POLR2B: variants seen among roughly 807,000 people sequenced by gnomAD.
POLR2B encodes DNA-directed RNA polymerase II subunit RPB2.
POLR2B carries 57 observed loss-of-function variants against 144.6 expected under a neutral mutation model. That is an observed-to-expected ratio of 0.39 (90% CI 0.32 to 0.49). POLR2B has a LOEUF of 0.49. Ranked by LOEUF, POLR2B falls within the 20% of genes least tolerant of loss-of-function variation. The pLI is 0.83. For missense variants in POLR2B, 595 were observed against 1,467.4 expected, an observed-to-expected ratio of 0.41 and a Z score of 9.71; for synonymous variants, 442 against 469.8, an observed-to-expected ratio of 0.94 and a Z score of 0.77.
intron 7 of POLR2B, among the ~76,000 whole-genome samples, chr4:57,001,416 C>T (rs76627370): frequency 0.025 from 3,861 of 152,320 alleles, 165 homozygotes; most frequent in African/African-American, 0.088. Flanking sequence ...CCTGCGTAGG[C>T]CTCCCAAGTG....
rs1560482494 is a variant in POLR2B at position 57,017,524 on chromosome 4, C to A, written c.2155-36C>A. The A allele has an allele frequency of 2.0e-6, 3 of 1,524,240 alleles. No homozygotes were observed. The highest frequency in any genetic ancestry group is 2.7e-6 in the Non-Finnish European group (3 of 1,130,226). The allele number at this position is 1,524,240 out of a possible 1,614,324, so 94.4% of individuals were successfully genotyped here. A position where few individuals can be genotyped will look rare whatever the true frequency, so the allele number is the denominator to read the frequency against. ...GAGTCTTTTCCATTAGTGATAGTAA[C>A]TTTTTGTTGTTTCTGCTTTTCATTT... On this transcript the variant is annotated intron_variant, in intron 15 of 24. Coordinates refer to ENST00000314595, the MANE Select transcript of POLR2B (RefSeq NM_000938.3). The surrounding 1 kb of genome is among the most constrained non-coding windows in gnomAD (Gnocchi z 4.8).
intron 10 of POLR2B, chr4:57,009,410 G>A (rs933077797): frequency 6.6e-6 from 1 of 152,420 alleles, no homozygotes; most frequent in Non-Finnish European, 1.5e-5. Flanking sequence ...TCATTGAGGA[G>A]GACTTTAATG....
chr4:57,018,502 G>C (rs1723436680), intron 16 of POLR2B, among the ~76,000 whole-genome samples: 1 of 152,068 alleles, frequency 6.6e-6, no homozygotes, highest in Non-Finnish European at 1.5e-5. Flanking sequence ...AAAGAGAGGT[G>C]CTTTGAATAG....
chr4:57,010,698 T>C, intron 11 of POLR2B, 50 bp from the exon 12 acceptor site: 1 of 1,499,202 alleles, frequency 6.7e-7, no homozygotes, highest in Non-Finnish European at 9.0e-7. Context: ...GGAAAAGAAG[T>C]TTGATAGGCA....
chr4:56,999,798 A>G lies in POLR2B; in HGVS notation c.900+17A>G. On this transcript the variant is annotated intron_variant, in intron 7 of 24. Coordinates refer to ENST00000314595, the MANE Select transcript of POLR2B (RefSeq NM_000938.3). The stretch of plus-strand genomic sequence containing the variant: ...ATGGAAATGGTAATGTGAAAGCAAA[A>G]TGTATTCACAGAGCTTTATAAGAGA... 1.3e-6 allele frequency: 2 copies of G among 1,533,162 alleles called. No individual in the cohort carries two copies. The highest frequency in any genetic ancestry group is 4.5e-5 in the East Asian group (2 of 44,456). The allele number at this position is 1,533,162 out of a possible 1,614,324, so 95.0% of individuals were successfully genotyped here.
intron 3 of POLR2B, among the ~76,000 whole-genome samples, chr4:56,993,410 G>C (rs1039984041): frequency 1.3e-5 from 2 of 152,216 alleles, no homozygotes; most frequent in Non-Finnish European, 2.9e-5. Context: ...TGATGGCACA[G>C]ATAAGGAGTA....
Position 57,005,722 on chromosome 4 carries a change from A to G in POLR2B, c.1217+3A>G, listed in dbSNP as rs375305377. 5.6e-6 allele frequency: 9 copies of G among 1,609,104 alleles called. No individual in the cohort carries two copies. Among genetic ancestry groups the G allele is most frequent in the African/African-American group, 1.3e-5 (1 of 74,588 alleles). Reference sequence around the variant, plus strand: ...CTGCTTGCATTCTTATTTAGAGGGTAAGGAATTACAGAATGAAGTCATTAA... The same window carrying G: ...CTGCTTGCATTCTTATTTAGAGGGTGAGGAATTACAGAATGAAGTCATTAA... On this transcript the variant is annotated splice_donor_region_variant and intron_variant, in intron 9 of 24. Transcript: ENST00000314595.
intron 2 of POLR2B, among the ~76,000 whole-genome samples, chr4:56,987,092 C>T (rs1002614794): frequency 1.3e-4 from 19 of 151,976 alleles, no homozygotes; most frequent in Admixed American, 1.0e-3. Flanking sequence ...GATGCCTTTC[C>T]GTTTAGGTTT....
rs188542516 is a variant in POLR2B at position 57,002,980 on chromosome 4, C to T, written c.901-2266C>T. The stretch of plus-strand genomic sequence containing the variant: ...ACCCTTCATTTCTCATGCTCATTAT[C>T]GTGTATAGTTGGAAATTTAGAATAT... On this transcript the variant is annotated intron_variant, in intron 7 of 24. Coordinates refer to ENST00000314595, the MANE Select transcript of POLR2B (RefSeq NM_000938.3). Among the ~76,000 whole-genome samples, 311 of 152,226 alleles carry T rather than the reference C, an allele frequency of 2.0e-3. 3 individuals carry two copies. Among genetic ancestry groups the T allele is most frequent in the African/African-American group, 7.0e-3 (290 of 41,540 alleles).
Position 57,017,942 on chromosome 4 carries a change from CAATT to C in POLR2B, c.2323+219_2323+222del, listed in dbSNP as rs1723422076. On this transcript the variant is annotated intron_variant, in intron 16 of 24. Coordinates refer to ENST00000314595, the MANE Select transcript of POLR2B (RefSeq NM_000938.3). The surrounding 1 kb of genome is among the most constrained non-coding windows in gnomAD (Gnocchi z 4.8). The stretch of plus-strand genomic sequence containing the variant: ...CTTTGGAAGCACAGACTGATGGAAG[CAATT>C]AATTCCTGTTGGAAGTCTAGATCCA... Among the ~76,000 whole-genome samples the C allele has an allele frequency of 6.6e-6, 1 of 152,092 alleles. No homozygotes were observed. The highest frequency in any genetic ancestry group is 2.4e-5 in the African/African-American group (1 of 41,410).
chr4:57,020,896 C>T lies in POLR2B; in HGVS notation c.2324-3C>T. On this transcript the variant is annotated splice_polypyrimidine_tract_variant and splice_region_variant and intron_variant, in intron 16 of 24. Coordinates refer to ENST00000314595, the MANE Select transcript of POLR2B (RefSeq NM_000938.3). ...TTAATGTATGCTCTTAAATTCACTG[C>T]AGGCATCAACTCAATTGTGGCCATT... The T allele has an allele frequency of 6.6e-7, 1 of 1,506,648 alleles. No homozygotes were observed. The highest frequency in any genetic ancestry group is 1.7e-5 in the Admixed American group (1 of 59,880). 93.3% of individuals were successfully genotyped at this position (1,506,648 alleles called of 1,614,324 possible). A position where few individuals can be genotyped will look rare whatever the true frequency, so the allele number is the denominator to read the frequency against.
chr4:56,992,324 G>C (rs1018858541), intron 3 of POLR2B, among the ~76,000 whole-genome samples: 1 of 150,900 alleles, frequency 6.6e-6, no homozygotes, highest in African/African-American at 2.4e-5. Flanking sequence ...AATTAGCCGG[G>C]TGTGGTGCCA....
chr4:56,994,872 G>A lies in POLR2B; in HGVS notation c.576+6G>A. ...TTATTAATGGATCAGAAAAGGTATA[G>A]TAACATTATTTTAAAAAATTACAAA... On this transcript the variant is annotated splice_donor_region_variant and intron_variant, in intron 5 of 24. Transcript: ENST00000314595. 2.1e-6 allele frequency: 3 copies of A among 1,400,904 alleles called. No homozygotes were observed. The highest frequency in any genetic ancestry group is 2.9e-6 in the Non-Finnish European group (3 of 1,027,158). 86.8% of individuals were successfully genotyped at this position (1,400,904 alleles called of 1,614,324 possible).
At chr4:57,021,042 T>A in intron 17 of POLR2B, 47 bp downstream of exon 17, 1 of 996,026 alleles carries the variant, frequency 1.0e-6, no homozygotes, top group Non-Finnish European at 1.6e-6. Context: ...GTGGAAACAC[T>A]AATTTTTTAT....
At chr4:57,010,266 T>TCTA (rs1723147437) in intron 10 of POLR2B, 95 bp from the exon 11 acceptor site, 2 of 1,084,114 alleles carry the variant, frequency 1.8e-6, no homozygotes, top group Non-Finnish European at 1.4e-6. Context: ...AGTTTGATAC[T>TCTA]CAGTAGATTA....
chr4:57,003,209 A>G (rs1379792954), intron 7 of POLR2B, among the ~76,000 whole-genome samples: 1 of 146,610 alleles, frequency 6.8e-6, no homozygotes, highest in African/African-American at 2.5e-5. Flanking sequence ...AGGCGGGCAG[A>G]TCACGAGGTC....
intron 2 of POLR2B, among the ~76,000 whole-genome samples, chr4:56,987,806 T>A (rs928253310): frequency 6.7e-6 from 1 of 150,032 alleles, no homozygotes. Context: ...CACCTGAAAT[T>A]GGGAGGCAGA....
chr4:57,012,819 C>T (rs1319736229), intron 13 of POLR2B, among the ~76,000 whole-genome samples: 8 of 152,030 alleles, frequency 5.3e-5, no homozygotes, highest in Admixed American at 5.2e-4. Context: ...TGTGTACCAC[C>T]ATGCCCGGCT....
rs771474788 is a variant in POLR2B, at chr4:57,023,617, A to G, written c.2766+37A>G. The G allele has an allele frequency of 2.5e-6, 4 of 1,611,976 alleles. 1 individual carries two copies. In the South Asian group the frequency reaches 3.3e-5, roughly 13 times the overall value. On this transcript the variant is annotated intron_variant, in intron 19 of 24. Coordinates refer to ENST00000314595, the MANE Select transcript of POLR2B (RefSeq NM_000938.3). The surrounding 1 kb of genome is among the most constrained non-coding windows in gnomAD (Gnocchi z 4.3). ...TTTGTTCATGTAGCTAGTTTTAGAA[A>G]GTAAACCAAATCCACTTAACTAACT...
Sources: allele counts gnomAD v4.1 joint callset (sites outside exome capture counted in the v4.1 genomes callset), GRCh38; gene constraint gnomAD v4.1.1; non-coding constraint Gnocchi (gnomAD v3.1); transcripts MANE v1.5; gene names NCBI Gene and HGNC (gene_info 2026-07-23, HGNC 2026-07-21).